TAFA1: variants seen among roughly 807,000 people sequenced by gnomAD.
TAFA1 encodes TAFA chemokine like family member 1.
Under a neutral mutation model 18.5 loss-of-function variants are expected in TAFA1, and 4 were observed. That is an observed-to-expected ratio of 0.22 (90% CI 0.11 to 0.49). The LOEUF is 0.49. Among genes scored for constraint, TAFA1 ranks in the 20% least tolerant of loss-of-function variants. The pLI is 0.98. For missense variants in TAFA1, 147 were observed against 169.0 expected, an observed-to-expected ratio of 0.87 and a Z score of 0.72; for synonymous variants, 56 against 55.2, an observed-to-expected ratio of 1.01 and a Z score of -0.06.
At chr3:68,112,307 T>C (rs2106839254) in intron 2 of TAFA1, among the ~76,000 whole-genome samples, 2 of 152,314 alleles carry the variant, frequency 1.3e-5, no homozygotes, top group South Asian at 4.1e-4. Flanking sequence ...TGCATCCTGC[T>C]GAATGAGCTT....
intron 3 of TAFA1, among the ~76,000 whole-genome samples, chr3:68,495,019 AAAG>A (rs1245679185): frequency 6.6e-6 from 1 of 152,180 alleles, no homozygotes; most frequent in Non-Finnish European, 1.5e-5. Context: ...AAAGAAAAGA[AAAG>A]AAAAGAAAAC....
intron 4 of TAFA1, among the ~76,000 whole-genome samples, chr3:68,539,669 G>GTA (rs1422855325): frequency 5.2e-5 from 1 of 19,258 alleles, no homozygotes. Flanking sequence ...CTCTCTCTGT[G>GTA]TGTGTGTGTG....
intron 2 of TAFA1, among the ~76,000 whole-genome samples, chr3:68,342,091 T>A (rs906687108): frequency 6.6e-6 from 1 of 152,206 alleles, no homozygotes; most frequent in African/African-American, 2.4e-5. Flanking sequence ...TTCCACCCTT[T>A]TGACCAATTC....
chr3:68,423,306 T>C (rs1344209912), intron 3 of TAFA1, among the ~76,000 whole-genome samples: 1 of 152,148 alleles, frequency 6.6e-6, no homozygotes, highest in Non-Finnish European at 1.5e-5. Flanking sequence ...CTCCCATTAT[T>C]TCCATTTTAT....
At chr3:68,420,728 A>G (rs2106807578) in intron 3 of TAFA1, among the ~76,000 whole-genome samples, 1 of 152,232 alleles carries the variant, frequency 6.6e-6, no homozygotes, top group South Asian at 2.1e-4. Flanking sequence ...TGCCCAGGAC[A>G]ACCCCTGCGC....
At chr3:68,515,172 A>G (rs2072902744) in intron 3 of TAFA1, among the ~76,000 whole-genome samples, 1 of 151,998 alleles carries the variant, frequency 6.6e-6, no homozygotes, top group Non-Finnish European at 1.5e-5. Flanking sequence ...GGGCTGTAGG[A>G]TTTTTTTATA....
intron 3 of TAFA1, among the ~76,000 whole-genome samples, chr3:68,485,243 A>G (rs775060556): frequency 2.0e-5 from 3 of 152,166 alleles, no homozygotes; most frequent in Non-Finnish European, 2.9e-5. Flanking sequence ...AAATGTTGTC[A>G]ACCTGCCAGC....
intron 2 of TAFA1, among the ~76,000 whole-genome samples, chr3:68,399,085 T>A (rs17047621): frequency 0.018 from 2,730 of 152,292 alleles, 78 homozygotes; most frequent in African/African-American, 0.063. Flanking sequence ...AGAGTTGAAC[T>A]AGATTATTCA....
At chr3:68,007,304 G>A (rs1327788264) in intron 2 of TAFA1, among the ~76,000 whole-genome samples, 1 of 152,124 alleles carries the variant, frequency 6.6e-6, no homozygotes, top group Non-Finnish European at 1.5e-5. Flanking sequence ...CAGGGACGAA[G>A]TCCCTCCCAC....
intron 2 of TAFA1, among the ~76,000 whole-genome samples, chr3:68,130,327 T>C (rs540165528): frequency 6.6e-6 from 1 of 152,212 alleles, no homozygotes; most frequent in Non-Finnish European, 1.5e-5. Flanking sequence ...GCTGCGGACA[T>C]TTGGGGCAGT....
intron 2 of TAFA1, among the ~76,000 whole-genome samples, chr3:68,065,182 T>A (rs115411960): frequency 0.011 from 1,710 of 152,300 alleles, 38 homozygotes; most frequent in African/African-American, 0.039. Context: ...TAACTATGAA[T>A]GTCTACTGTA....
chr3:68,356,923 G>C (rs1254385612), intron 2 of TAFA1, among the ~76,000 whole-genome samples: 1 of 151,894 alleles, frequency 6.6e-6, no homozygotes, highest in Non-Finnish European at 1.5e-5. Context: ...AACTAGCACA[G>C]CTAGTATCTG....
chr3:68,295,511 AAC>A (rs1388933667), intron 2 of TAFA1, among the ~76,000 whole-genome samples: 1 of 152,188 alleles, frequency 6.6e-6, no homozygotes, highest in East Asian at 1.9e-4. Flanking sequence ...TTGGAAAAGA[AAC>A]ACACAAAATT....
intron 2 of TAFA1, among the ~76,000 whole-genome samples, chr3:68,071,727 G>A (rs770497459): frequency 3.9e-5 from 6 of 152,146 alleles, no homozygotes; most frequent in Non-Finnish European, 5.9e-5. Flanking sequence ...TTGGCTCATG[G>A]TTCTGCAGAC....
chr3:68,232,029 ATATC>A (rs754363540), intron 2 of TAFA1, among the ~76,000 whole-genome samples: 2 of 152,194 alleles, frequency 1.3e-5, no homozygotes, highest in Admixed American at 1.3e-4. Flanking sequence ...GGTAATTTGC[ATATC>A]TATCACCTCA....
At chr3:67,995,776 A>G in the TAFA1 span, among the ~76,000 whole-genome samples, 1 of 152,196 alleles carries the variant, frequency 6.6e-6, no homozygotes, top group Non-Finnish European at 1.5e-5. Context: ...AGGCACTCTC[A>G]GACTCAGATT....
At chr3:68,519,326 A>G (rs1181475916) in intron 3 of TAFA1, among the ~76,000 whole-genome samples, 2 of 152,252 alleles carry the variant, frequency 1.3e-5, no homozygotes, top group South Asian at 2.1e-4. Flanking sequence ...CTCACAAGAC[A>G]AAGAATTGGC....
chr3:68,124,118 C>G (rs77602809), intron 2 of TAFA1, among the ~76,000 whole-genome samples: 2,372 of 151,904 alleles, frequency 0.016, 26 homozygotes, highest in Middle Eastern at 0.034. Context: ...TTGAGGGTTT[C>G]TTTTTTTTAT....
chr3:68,382,624 A>G (rs1344201364), intron 2 of TAFA1, among the ~76,000 whole-genome samples: 16 of 151,944 alleles, frequency 1.1e-4, no homozygotes, highest in Non-Finnish European at 2.4e-4. Flanking sequence ...GCCCTGTATT[A>G]TAGTTTGAAG....
Sources: gnomAD v4.1 joint callset for allele counts (sites outside exome capture counted in the v4.1 genomes callset) on GRCh38, gnomAD v4.1.1 for gene constraint, MANE v1.5 for transcripts, NCBI Gene and HGNC (gene_info 2026-07-23, HGNC 2026-07-21) for gene names.